SYT2: variants seen among roughly 807,000 people sequenced by gnomAD.
The protein encoded by SYT2 is synaptotagmin 2, also known as synaptotagmin-2.
Under a neutral mutation model 39.9 loss-of-function variants are expected in SYT2, and 15 were observed. That is an observed-to-expected ratio of 0.38 (90% confidence interval 0.25 to 0.58). The LOEUF (loss-of-function observed/expected upper bound fraction) is 0.58. Among genes scored for constraint, SYT2 ranks in the 20% least tolerant of loss-of-function variants. The probability of loss-of-function intolerance (pLI) is 0.70; values close to 1 mark genes in which losing one functional copy is unlikely to be tolerated. For missense variants in SYT2, 389 were observed against 530.3 expected, an observed-to-expected ratio of 0.73 and a Z score of 2.62; for synonymous variants, 181 against 204.5, an observed-to-expected ratio of 0.89 and a Z score of 0.98.
At position 202,594,817 on chromosome 1, in the gene SYT2, G is replaced by C. The variant is rs1259506866; in HGVS notation, c.*1940C>G. On this transcript the variant is annotated 3_prime_UTR_variant, in exon 9 of 9. Transcript: ENST00000367268. ...GGCTTTCCAGTCTGTTTCTGGTGGG[G>C]GTATTCCCTCATTTCCCTCACTCCT... 2 of 151,870 alleles carry C rather than the reference G, an allele frequency of 1.3e-5. No individual in the cohort carries two copies. The highest frequency in any genetic ancestry group is 3.9e-4 in the East Asian group (2 of 5,186). The allele number at this position is 151,870 out of a possible 1,614,324, so 9.4% of individuals were successfully genotyped here. A position where few individuals can be genotyped will look rare whatever the true frequency, so the allele number is the denominator to read the frequency against.
chr1:202,703,195 GA>G (rs987007987), intron 1 of SYT2, among the ~76,000 whole-genome samples: 1 of 152,104 alleles, frequency 6.6e-6, no homozygotes, highest in African/African-American at 2.4e-5. Flanking sequence ...TGACCTTGGG[GA>G]AGGCATTTCT....
chr1:202,600,226 C>T (rs368122208), intron 7 of SYT2, 131 bp downstream of exon 7: 59 of 762,592 alleles, frequency 7.7e-5, no homozygotes, highest in African/African-American at 4.0e-4. Flanking sequence ...AAGGCTCCCC[C>T]GCTCCTCGAG....
intron 1 of SYT2, among the ~76,000 whole-genome samples, chr1:202,621,553 G>A (rs1485243121): frequency 1.3e-5 from 2 of 152,162 alleles, no homozygotes; most frequent in Non-Finnish European, 2.9e-5. Flanking sequence ...AACTCCTGGC[G>A]ATCTTGCTGC....
rs569762841 is a variant in SYT2, at chr1:202,628,140, G to A, written c.-17-22351C>T. Reference sequence around the variant, plus strand: ...TCCACTGTGCCCACTCCGTGCCAGCGGCATATTTCATTTCATCCGGGCCTT... The same window carrying A: ...TCCACTGTGCCCACTCCGTGCCAGCAGCATATTTCATTTCATCCGGGCCTT... On this transcript the variant is annotated intron_variant, in intron 1 of 8. Coordinates refer to ENST00000367268, the MANE Select transcript of SYT2 (RefSeq NM_177402.5). The surrounding 1 kb of genome is among the most constrained non-coding windows in gnomAD (Gnocchi z 4.2). 1.7e-4 allele frequency among the ~76,000 whole-genome samples: 26 copies of A among 152,316 alleles called. No homozygotes were observed. In the South Asian group the frequency reaches 2.5e-3, roughly 15 times the overall value.
chr1:202,621,445 C>T (rs919246440), intron 1 of SYT2, among the ~76,000 whole-genome samples: 5 of 152,078 alleles, frequency 3.3e-5, no homozygotes, highest in African/African-American at 1.2e-4. Context: ...CACACACATG[C>T]GCCACCATGC....
In SYT2 at chr1:202,599,768, G is replaced by A. The variant is rs951598146; in HGVS notation, c.920-417C>T. 2.6e-5 allele frequency among the ~76,000 whole-genome samples: 4 copies of A among 152,184 alleles called. No individual in the cohort carries two copies. Among genetic ancestry groups the A allele is most frequent in the South Asian group, 4.1e-4 (2 of 4,820 alleles). On this transcript the variant is annotated intron_variant, in intron 7 of 8. Transcript: ENST00000367268. This position sits in a 1 kb window ranked among gnomAD's most constrained non-coding sequence, Gnocchi z 4.4. ...CAAAGAACGGAAATGACCTGCCCGAGGTCACACAGCGGGTCAGTGACAGAG... is the reference window on the plus strand; with the variant it reads ...CAAAGAACGGAAATGACCTGCCCGAAGTCACACAGCGGGTCAGTGACAGAG...
intron 1 of SYT2, among the ~76,000 whole-genome samples, chr1:202,606,792 C>T (rs907498171): frequency 5.3e-5 from 8 of 152,128 alleles, no homozygotes; most frequent in African/African-American, 1.9e-4. Flanking sequence ...GAGAAATCCC[C>T]CCATAATTCT....
chr1:202,696,050 G>A (rs750370174), intron 1 of SYT2, among the ~76,000 whole-genome samples: 3 of 152,182 alleles, frequency 2.0e-5, no homozygotes, highest in Non-Finnish European at 4.4e-5. Context: ...CTTTGGAAAC[G>A]TCTAATGTTT....
Position 202,628,198 on chromosome 1 carries a change from T to C in SYT2, c.-17-22409A>G, listed in dbSNP as rs1056879654. Among the ~76,000 whole-genome samples the C allele has an allele frequency of 1.4e-4, 22 of 152,282 alleles. No homozygotes were observed. The East Asian group carries it at 2.7e-3, about 19-fold the overall frequency. On this transcript the variant is annotated intron_variant, in intron 1 of 8. Transcript: ENST00000367268. This position sits in a 1 kb window ranked among gnomAD's most constrained non-coding sequence, Gnocchi z 4.2. ...GGGGACTGTGATTCCCATTTTGTAA[T>C]TGAGGAAACTGGGCCTCAGGGGGAG...
In SYT2 at chr1:202,599,102, C is replaced by T. The variant is rs1690404376; in HGVS notation, c.1053+116G>A. On this transcript the variant is annotated intron_variant, in intron 8 of 8. Transcript: ENST00000367268. This position sits in a 1 kb window ranked among gnomAD's most constrained non-coding sequence, Gnocchi z 4.4. Reference sequence around the variant, plus strand: ...AGGCACCATTAGACCTCGAGCCTTCCCCTACCAAGAAAGGCTGTTCCATGG... The same window carrying T: ...AGGCACCATTAGACCTCGAGCCTTCTCCTACCAAGAAAGGCTGTTCCATGG... The T allele has an allele frequency of 1.4e-6, 2 of 1,433,066 alleles. No individual in the cohort carries two copies. Among genetic ancestry groups the T allele is most frequent in the African/African-American group, 2.9e-5 (2 of 67,996 alleles). The allele number at this position is 1,433,066 out of a possible 1,614,324, so 88.8% of individuals were successfully genotyped here.
In SYT2 at chr1:202,596,959, A is replaced by T; in HGVS notation, c.1058T>A (p.Val353Asp). ...GTCCAGCACGGTGACCACTACCTGG[A>T]CTTTCTGCAAGGAAAACGAGGGAGG... ...FEIPFEQIQK[V>D]QVVVTVLDYD... is the part of the protein sequence containing the mutation. The change falls in exon 9 of 9, where the codon GTC (valine) becomes GAC (aspartate). Residue 353 changes from valine (V) to aspartate (D), a missense_variant. Transcript: ENST00000367268. 6.2e-7 allele frequency: 1 copy of T among 1,612,832 alleles called. No individual in the cohort carries two copies. Among genetic ancestry groups the T allele is most frequent in the Non-Finnish European group, 8.5e-7 (1 of 1,178,986 alleles).
chr1:202,625,617 C>T (rs1280998626), intron 1 of SYT2, among the ~76,000 whole-genome samples: 2 of 152,022 alleles, frequency 1.3e-5, no homozygotes. Flanking sequence ...TGCTGTCCGT[C>T]CAGGAGGCTG....
chr1:202,617,691 C>T (rs1449812290), intron 1 of SYT2, among the ~76,000 whole-genome samples: 1 of 152,148 alleles, frequency 6.6e-6, no homozygotes, highest in Admixed American at 6.6e-5. Flanking sequence ...ACCCCCGCAT[C>T]AAGGCCTCAA....
chr1:202,670,488 T>A (rs1017687376), intron 1 of SYT2, among the ~76,000 whole-genome samples: 11 of 152,090 alleles, frequency 7.2e-5, no homozygotes, highest in Admixed American at 1.3e-4. Flanking sequence ...TCTCCCTGGG[T>A]ATTCACATTC....
At chr1:202,597,511 G>T (rs1690339069) in intron 8 of SYT2, among the ~76,000 whole-genome samples, 1 of 152,156 alleles carries the variant, frequency 6.6e-6, no homozygotes, top group South Asian at 2.1e-4. Flanking sequence ...AGTGCATTTG[G>T]CATCTGAGAA....
At chr1:202,640,250 C>T (rs1244589598) in intron 1 of SYT2, among the ~76,000 whole-genome samples, 2 of 149,922 alleles carry the variant, frequency 1.3e-5, no homozygotes, top group East Asian at 4.0e-4. Context: ...CCCCACCCCA[C>T]CCCGCCCCAC....
chr1:202,612,780 G>A (rs1690922055), intron 1 of SYT2, among the ~76,000 whole-genome samples: 1 of 152,162 alleles, frequency 6.6e-6, no homozygotes, highest in Non-Finnish European at 1.5e-5. Context: ...GATAGGCATT[G>A]TGTTGAATCT....
At chr1:202,660,851 G>A (rs941430659) in intron 1 of SYT2, among the ~76,000 whole-genome samples, 1 of 152,192 alleles carries the variant, frequency 6.6e-6, no homozygotes, top group South Asian at 2.1e-4. Context: ...ATCGCTCCCA[G>A]GTAATTAGAT....
chr1:202,691,897 C>A (rs1400915519), intron 1 of SYT2, among the ~76,000 whole-genome samples: 4 of 151,914 alleles, frequency 2.6e-5, no homozygotes, highest in Admixed American at 2.0e-4. Flanking sequence ...AATCAAGAGG[C>A]CAGAAATGTG....
Sources: gnomAD v4.1 joint callset for allele counts (sites outside exome capture counted in the v4.1 genomes callset) on GRCh38, gnomAD v4.1.1 for gene constraint, Gnocchi (gnomAD v3.1) non-coding constraint, MANE v1.5 for transcripts, NCBI Gene and HGNC (gene_info 2026-07-23, HGNC 2026-07-21) for gene names.